Variants in CD164L2 observed in about 807,000 individuals in gnomAD.
CD164L2 encodes the protein CD164 molecule like 2.
A neutral mutation model predicts 23.9 loss-of-function variants in CD164L2; 21 were observed. The ratio of observed to expected loss-of-function variants is 0.88; its 90% confidence interval spans 0.62 to 1.27. The LOEUF (loss-of-function observed/expected upper bound fraction) is 1.27, where lower values mean the gene tolerates loss of function less well. Among genes scored for constraint, CD164L2 ranks in the 50% most tolerant of loss-of-function variants. The pLI is 0.00. For synonymous variants in CD164L2, 92 were observed against 90.2 expected (o/e 1.02, Z -0.11); for missense variants, 230 against 224.8 (o/e 1.02, Z -0.15).
At chr1:27,382,251 A>G (rs1426293084) in intron 3 of CD164L2, 77 bp downstream of exon 3, 2 of 1,613,846 alleles carry the variant, frequency 1.2e-6, no homozygotes, top group Non-Finnish European at 1.7e-6. Flanking sequence ...CGCCTGAGAG[A>G]GGCTGTTTCC....
At chr1:27,382,988 G>T (rs1310464081) in intron 1 of CD164L2, among the ~76,000 whole-genome samples, 164 bp downstream of exon 1, 1 of 151,966 alleles carries the variant, frequency 6.6e-6, no homozygotes, top group Admixed American at 6.6e-5. Flanking sequence ...TTACACACAG[G>T]GCTCCACACA....
In CD164L2 at chr1:27,383,252, TGGGGGTGGCC is replaced by T; in HGVS notation, c.-23_-14del. On this transcript the variant is annotated 5_prime_UTR_variant, in exon 1 of 6. Transcript: ENST00000374030. ...CCGGAGCCTCCATGGGCTCGCGGGG[TGGGGGTGGCC>T]GGGGGCGGTGGCCGGGATCGGTGGA... 6.6e-7 allele frequency: 1 copy of T among 1,520,310 alleles called. No homozygotes were observed. Among genetic ancestry groups the T allele is most frequent in the Non-Finnish European group, 8.9e-7 (1 of 1,129,072 alleles). The allele number at this position is 1,520,310 out of a possible 1,614,324, so 94.2% of individuals were successfully genotyped here.
Position 27,379,425 on chromosome 1 carries a change from C to G in CD164L2, c.*78G>C. 1.7e-6 allele frequency: 2 copies of G among 1,161,630 alleles called. No homozygotes were observed. Among genetic ancestry groups the G allele is most frequent in the East Asian group, 5.4e-5 (2 of 36,906 alleles). 72.0% of individuals were successfully genotyped at this position (1,161,630 alleles called of 1,614,324 possible). On this transcript the variant is annotated 3_prime_UTR_variant, in exon 6 of 6. Coordinates refer to ENST00000374030, the MANE Select transcript of CD164L2 (RefSeq NM_001330448.1). ...CAGAGTTTTTCCCGCCCCCGCCCCC[C>G]GCTTACCCACAAGGGTGCCCAGAGG... is the stretch of plus-strand genomic sequence containing the variant.
At chr1:27,380,713 G>A (rs1159767293) in intron 4 of CD164L2, among the ~76,000 whole-genome samples, 1 of 152,204 alleles carries the variant, frequency 6.6e-6, no homozygotes, top group South Asian at 2.1e-4. Context: ...AAGGAGCAGG[G>A]GGAGAAGTGG....
rs755541317 is a variant in CD164L2, at chr1:27,380,132, A to G, written c.437T>C (p.Val146Ala). ...GFDGASFIGG[V>A]VLVLSLQAVA... Reference sequence around the variant, plus strand: ...CGCCTGTAGGCTCAACACCAGCACGACACCTCCGATAAAGCTGGCCCCGTC... The same window carrying G: ...CGCCTGTAGGCTCAACACCAGCACGGCACCTCCGATAAAGCTGGCCCCGTC... Residue 146 changes from valine (V) to alanine (A), a missense_variant, in exon 5 of 6, where the codon GTC becomes GCC. Physicochemically the swap from Val to Ala is moderately conservative, Grantham distance 64. Transcript: ENST00000374030. 1.9e-6 allele frequency: 3 copies of G among 1,614,078 alleles called. No homozygotes were observed. The South Asian group carries it at 3.3e-5, about 18-fold the overall frequency.
intron 3 of CD164L2, 96 bp from the exon 4 acceptor site, chr1:27,381,920 A>G: frequency 2.0e-6 from 3 of 1,509,776 alleles, no homozygotes; most frequent in Non-Finnish European, 2.7e-6. Flanking sequence ...TCCGATTCAG[A>G]TGCAGCCCTG....
intron 4 of CD164L2, 127 bp downstream of exon 4, chr1:27,381,653 T>C: frequency 1.0e-6 from 1 of 982,764 alleles, no homozygotes; most frequent in Non-Finnish European, 1.5e-6. Flanking sequence ...ATTTCACAGA[T>C]GCGGAGACAG....
At chr1:27,381,661 C>A in intron 4 of CD164L2, 119 bp downstream of exon 4, 1 of 1,090,904 alleles carries the variant, frequency 9.2e-7, no homozygotes, top group Non-Finnish European at 1.3e-6. Flanking sequence ...GATGCGGAGA[C>A]AGGCTCCGAG....
chr1:27,379,676 C>T, intron 5 of CD164L2, 167 bp from the exon 6 acceptor site: 1 of 1,491,326 alleles, frequency 6.7e-7, no homozygotes, highest in Middle Eastern at 2.1e-4. Flanking sequence ...CACAGCTCCC[C>T]TTCTCAGAGC....
chr1:27,383,029 G>T, intron 1 of CD164L2, 123 bp downstream of exon 1: 1 of 758,162 alleles, frequency 1.3e-6, no homozygotes, highest in Non-Finnish European at 2.2e-6. Context: ...ACCCCTGGAG[G>T]CCTGCACTTG....
Position 27,383,176 on chromosome 1 carries a change from G to T in CD164L2, c.64C>A (p.Leu22Ile). ...CCAGCCACAGCCAGCTGGGCACATA[G>T]GAGGAGGCAGCAACAGCCGCCACAG... Reference protein sequence around the residue: ...ALCGGCCCLLLCAQLAVAGKG... With the variant: ...ALCGGCCCLLICAQLAVAGKG... Residue 22 changes from leucine (L) to isoleucine (I), a missense_variant, in exon 1 of 6, where the codon CTA (leucine) becomes ATA (isoleucine). Physicochemically the swap from Leu to Ile is conservative, Grantham distance 5 (BLOSUM62 2). Coordinates refer to ENST00000374030, the MANE Select transcript of CD164L2 (RefSeq NM_001330448.1). 1 of 1,548,448 alleles carries T rather than the reference G, an allele frequency of 6.5e-7. No homozygotes were observed.
In CD164L2 at chr1:27,380,097, A is replaced by G; in HGVS notation, c.472T>C (p.Phe158Leu). Reference protein sequence around the residue: ...LVLSLQAVAFFVLHFLKAKDS... With the variant: ...LVLSLQAVAFLVLHFLKAKDS... ...TTGGCCTTGAGGAAGTGCAGCACAA[A>G]GAAAGCCACCGCCTGTAGGCTCAAC... The change falls in exon 5 of 6, where the codon TTT becomes CTT. Residue 158 changes from phenylalanine (F) to leucine (L), a missense_variant. By Grantham distance (22) the Phe-to-Leu change is conservative (BLOSUM62 0). Transcript: ENST00000374030. 6.2e-7 allele frequency: 1 copy of G among 1,614,072 alleles called. No individual in the cohort carries two copies. The highest frequency in any genetic ancestry group is 8.5e-7 in the Non-Finnish European group (1 of 1,179,938).
chr1:27,379,675 C>G (rs1004351387), intron 5 of CD164L2, 166 bp from the exon 6 acceptor site: 2 of 1,494,170 alleles, frequency 1.3e-6, no homozygotes, highest in Admixed American at 2.2e-5. Flanking sequence ...GCACAGCTCC[C>G]CTTCTCAGAG....
chr1:27,381,851 AG>A (rs1172625497), intron 3 of CD164L2, 27 bp from the exon 4 acceptor site: 1 of 1,613,680 alleles, frequency 6.2e-7, no homozygotes, highest in Non-Finnish European at 8.5e-7. Flanking sequence ...TCCATAGCAA[AG>A]CAGCCTTCCC....
At position 27,379,411 on chromosome 1, in the gene CD164L2, C is replaced by T; in HGVS notation, c.*92G>A. 2 of 905,176 alleles carry T rather than the reference C, an allele frequency of 2.2e-6. No homozygotes were observed. Among genetic ancestry groups the T allele is most frequent in the Non-Finnish European group, 1.7e-6 (1 of 574,418 alleles). The allele number at this position is 905,176 out of a possible 1,614,324, so 56.1% of individuals were successfully genotyped here. A position where few individuals can be genotyped will look rare whatever the true frequency, so the allele number is the denominator to read the frequency against. Reference sequence around the variant, plus strand: ...CAAAAACTGGCGGCCAGAGTTTTTCCCGCCCCCGCCCCCCGCTTACCCACA... The same window carrying T: ...CAAAAACTGGCGGCCAGAGTTTTTCTCGCCCCCGCCCCCCGCTTACCCACA... On this transcript the variant is annotated 3_prime_UTR_variant, in exon 6 of 6. Transcript: ENST00000374030.
At position 27,382,524 on chromosome 1, in the gene CD164L2, C is replaced by A. The variant is rs1280849140; in HGVS notation, c.232G>T (p.Glu78Ter). 2 of 1,610,786 alleles carry A rather than the reference C, an allele frequency of 1.2e-6. No individual in the cohort carries two copies. Among genetic ancestry groups the A allele is most frequent in the Non-Finnish European group, 1.7e-6 (2 of 1,177,918 alleles). ...CCTGGCTCCTCTGGCCGGCACTGCT[C>A]CCACACGCAGCTGGAGAGATTGCGC... Reference protein sequence around the residue: ...GARNLSSCVWEQCRPEEPGHC... With the variant: ...GARNLSSCVW Residue 78 changes from glutamate to a stop codon, truncating the protein, a stop_gained, in exon 2 of 6, where the codon GAG becomes TAG. Coordinates refer to ENST00000374030, the MANE Select transcript of CD164L2 (RefSeq NM_001330448.1). LOFTEE classifies it high-confidence loss of function.
At chr1:27,380,332 TC>T in intron 4 of CD164L2, 137 bp from the exon 5 acceptor site, 1 of 760,000 alleles carries the variant, frequency 1.3e-6, no homozygotes, top group Non-Finnish European at 2.1e-6. Flanking sequence ...CTCCGTTTAG[TC>T]CAGATCCCGC....
In CD164L2 at chr1:27,382,566, C is replaced by A. The variant is rs558677751; in HGVS notation, c.190G>T (p.Val64Leu). 4 of 1,613,734 alleles carry A rather than the reference C, an allele frequency of 2.5e-6. No individual in the cohort carries two copies. In the East Asian group the frequency reaches 8.9e-5, roughly 36 times the overall value. ...AGATTGCGCGCTCCGTCTCCCTCCA[C>A]GCAGTGCTCACAGACCTCCAGCTGT... Reference protein sequence around the residue: ...CKQLEVCEHCVEGDGARNLSS... With the variant: ...CKQLEVCEHCLEGDGARNLSS... The change falls in exon 2 of 6, where the codon GTG becomes TTG. Residue 64 changes from valine (V) to leucine (L), a missense_variant. Physicochemically the swap from Val to Leu is conservative, Grantham distance 32. Coordinates refer to ENST00000374030, the MANE Select transcript of CD164L2 (RefSeq NM_001330448.1).
At chr1:27,382,282 C>A (rs779649109) in intron 3 of CD164L2, 46 bp downstream of exon 3, 2 of 1,614,132 alleles carry the variant, frequency 1.2e-6, no homozygotes, top group South Asian at 2.2e-5. Context: ...CAGGCTATGG[C>A]TGGGGAGACC....
Sources: gnomAD v4.1 joint callset for allele counts (sites outside exome capture counted in the v4.1 genomes callset) on GRCh38, gnomAD v4.1.1 for gene constraint, MANE v1.5 for transcripts, NCBI Gene and HGNC (gene_info 2026-07-23, HGNC 2026-07-21) for gene names.